Variants in NSG1 observed in about 807,000 individuals in gnomAD.
NSG1 encodes the protein neuronal vesicle trafficking associated 1.
NSG1 carries 9 observed loss-of-function variants against 19.3 expected under a neutral mutation model. The observed-to-expected ratio is 0.47, with a 90% CI of 0.28 to 0.81. The LOEUF is 0.81. Ranked by LOEUF, NSG1 falls within the 40% of genes least tolerant of loss-of-function variation. The probability of loss-of-function intolerance (pLI) is 0.11; values close to 1 mark genes in which losing one functional copy is unlikely to be tolerated. For synonymous variants in NSG1, 104 were observed against 107.0 expected (o/e 0.97, Z 0.17); for missense variants, 236 against 242.4 (o/e 0.97, Z 0.18).
intron 1 of NSG1, 43 bp from the exon 2 acceptor site, chr4:4,387,561 C>CG: frequency 2.6e-6 from 3 of 1,141,952 alleles, no homozygotes; most frequent in Non-Finnish European, 1.2e-6. Flanking sequence ...CGCCCCGCCC[C>CG]GGGTCTTGCT....
At chr4:4,405,826 C>T (rs985139109) in intron 3 of NSG1, among the ~76,000 whole-genome samples, 1 of 152,222 alleles carries the variant, frequency 6.6e-6, no homozygotes, top group Non-Finnish European at 1.5e-5. Context: ...GCTGGCTCCT[C>T]AGCCGTTGGG....
At chr4:4,411,422 G>C (rs557975988) in intron 4 of NSG1, among the ~76,000 whole-genome samples, 338 of 152,284 alleles carry the variant, frequency 2.2e-3, no homozygotes, top group African/African-American at 7.8e-3. Context: ...CAGGAGCAGT[G>C]ACAGGCACAG....
intron 4 of NSG1, among the ~76,000 whole-genome samples, chr4:4,412,170 C>T (rs181341584): frequency 3.9e-5 from 6 of 152,282 alleles, no homozygotes; most frequent in East Asian, 1.9e-4. Flanking sequence ...GCTGTTATGC[C>T]GCGTGTGGCT....
At chr4:4,388,553 C>T (rs1357794229) in intron 2 of NSG1, among the ~76,000 whole-genome samples, 3 of 152,202 alleles carry the variant, frequency 2.0e-5, no homozygotes, top group Admixed American at 6.5e-5. Context: ...CTGTAAAATT[C>T]ACATCTAAGA....
At chr4:4,398,695 T>TA (rs1723398041) in intron 3 of NSG1, among the ~76,000 whole-genome samples, 1 of 152,266 alleles carries the variant, frequency 6.6e-6, no homozygotes, top group African/African-American at 2.4e-5. Flanking sequence ...CATTGGTTGA[T>TA]AGACATTTGG....
At chr4:4,412,198 G>A (rs1199725632) in intron 4 of NSG1, among the ~76,000 whole-genome samples, 3 of 152,270 alleles carry the variant, frequency 2.0e-5, no homozygotes, top group East Asian at 1.9e-4. Flanking sequence ...GCACTTGCTG[G>A]TTCCCCACAG....
At chr4:4,409,552 C>T in intron 3 of NSG1, 21 bp from the exon 4 acceptor site, 1 of 1,598,080 alleles carries the variant, frequency 6.3e-7, no homozygotes, top group Non-Finnish European at 8.6e-7. Flanking sequence ...CCACCCCTGA[C>T]AGTCCCACCT....
intron 3 of NSG1, among the ~76,000 whole-genome samples, chr4:4,396,853 G>A (rs1723277920): frequency 6.6e-6 from 1 of 152,118 alleles, no homozygotes; most frequent in African/African-American, 2.4e-5. Context: ...ATTCAGCAGT[G>A]GGGGTGGGGG....
At chr4:4,387,447 G>C (rs1214400374) in intron 1 of NSG1, among the ~76,000 whole-genome samples, 157 bp from the exon 2 acceptor site, 2 of 152,068 alleles carry the variant, frequency 1.3e-5, no homozygotes, top group Non-Finnish European at 2.9e-5. Context: ...CCCCCGCATC[G>C]GGCCGTGACC....
chr4:4,397,654 T>G (rs1723325584), intron 3 of NSG1, among the ~76,000 whole-genome samples: 1 of 152,186 alleles, frequency 6.6e-6, no homozygotes, highest in South Asian at 2.1e-4. Flanking sequence ...CTGGCCCAGG[T>G]GGGGCCCTTC....
chr4:4,402,981 C>T (rs1723647793), intron 3 of NSG1, among the ~76,000 whole-genome samples: 1 of 152,248 alleles, frequency 6.6e-6, no homozygotes, highest in Admixed American at 6.5e-5. Flanking sequence ...GCACCTCCTG[C>T]AAACTAAATC....
rs1161754574 is a variant in NSG1, at chr4:4,402,371, A to ATTTTTTTT, written c.247-7175_247-7168dup. On this transcript the variant is annotated intron_variant, in intron 3 of 4. Transcript: ENST00000621129. ...TAGACACGCAGCACCACGCCTGGTTATTTTTTTTTTTTTTTTTTTTTTTTT... is the reference window on the plus strand; with the variant it reads ...TAGACACGCAGCACCACGCCTGGTTATTTTTTTTTTTTTTTTTTTTTTTTTTTTTTTTT... 7.0e-4 allele frequency among the ~76,000 whole-genome samples: 38 copies of ATTTTTTTT among 53,950 alleles called. 5 individuals carry two copies. The highest frequency in any genetic ancestry group is 2.2e-3 in the African/African-American group (37 of 16,510). 35.4% of individuals were successfully genotyped at this position (53,950 alleles called of 152,430 possible).
At chr4:4,409,990 C>T (rs1162483570) in intron 4 of NSG1, among the ~76,000 whole-genome samples, 1 of 152,228 alleles carries the variant, frequency 6.6e-6, no homozygotes, top group Non-Finnish European at 1.5e-5. Context: ...GGGAAATGCC[C>T]AGGATGATAC....
chr4:4,387,763 G>A lies in NSG1; in HGVS notation c.129+5G>A, dbSNP rs746739213. On this transcript the variant is annotated splice_donor_5th_base_variant and intron_variant, in intron 2 of 4. Transcript: ENST00000621129. Reference sequence around the variant, plus strand: ...CAGTTCCCGCCCCCGGATAAGGTAAGCCCCCCCACGCCCCTCCACGTTGCC... The same window carrying A: ...CAGTTCCCGCCCCCGGATAAGGTAAACCCCCCCACGCCCCTCCACGTTGCC... The A allele has an allele frequency of 1.3e-6, 2 of 1,593,304 alleles. No homozygotes were observed. Among genetic ancestry groups the A allele is most frequent in the East Asian group, 4.5e-5 (2 of 44,576 alleles).
chr4:4,394,864 G>C (rs1723173784), intron 3 of NSG1, among the ~76,000 whole-genome samples: 1 of 152,348 alleles, frequency 6.6e-6, no homozygotes, highest in Middle Eastern at 3.4e-3. Flanking sequence ...TTGGATTGAA[G>C]CCTCTCTCGG....
intron 2 of NSG1, among the ~76,000 whole-genome samples, chr4:4,390,550 C>T (rs1203019531): frequency 6.6e-6 from 1 of 152,184 alleles, no homozygotes; most frequent in African/African-American, 2.4e-5. Context: ...GAAGGGGCCT[C>T]GTCCCTCGGG....
chr4:4,413,693 A>G (rs568090664), intron 4 of NSG1, among the ~76,000 whole-genome samples: 68 of 151,682 alleles, frequency 4.5e-4, no homozygotes, highest in African/African-American at 1.6e-3. Flanking sequence ...GTGCATCCTG[A>G]GTGCCAGGCA....
intron 3 of NSG1, among the ~76,000 whole-genome samples, chr4:4,400,305 T>C (rs1723479093): frequency 6.6e-6 from 1 of 152,222 alleles, no homozygotes; most frequent in African/African-American, 2.4e-5. Flanking sequence ...CTCAATTGTA[T>C]TACGTGGATT....
At chr4:4,414,023 G>C (rs1018143429) in intron 4 of NSG1, among the ~76,000 whole-genome samples, 1 of 152,078 alleles carries the variant, frequency 6.6e-6, no homozygotes, top group Non-Finnish European at 1.5e-5. Flanking sequence ...ACAGCTTCCT[G>C]GGGGCCGGAA....
Sources: allele counts gnomAD v4.1 joint callset (sites outside exome capture counted in the v4.1 genomes callset), GRCh38; gene constraint gnomAD v4.1.1; transcripts MANE v1.5; gene names NCBI Gene and HGNC (gene_info 2026-07-23, HGNC 2026-07-21).